EBF1: variants seen among roughly 807,000 people sequenced by gnomAD.
The protein encoded by EBF1 is transcription factor COE1.
A neutral mutation model predicts 68.4 loss-of-function variants in EBF1; 10 were observed. The observed-to-expected ratio is 0.15, with a 90% confidence interval of 0.09 to 0.25. EBF1 has a LOEUF of 0.25. Ranked by LOEUF, EBF1 falls within the 10% of genes least tolerant of loss-of-function variation. EBF1 has a pLI of 1.00. For missense variants in EBF1, 509 were observed against 794.4 expected, an observed-to-expected ratio of 0.64 and a Z score of 4.32; for synonymous variants, 298 against 299.8, an observed-to-expected ratio of 0.99 and a Z score of 0.06.
intron 9 of EBF1, among the ~76,000 whole-genome samples, chr5:158,781,248 G>A (rs531283366): frequency 6.6e-6 from 1 of 152,270 alleles, no homozygotes; most frequent in African/African-American, 2.4e-5. Context: ...TACTTATAAA[G>A]AAGTATTTTC....
At chr5:158,716,769 G>A (rs529780656) in intron 11 of EBF1, among the ~76,000 whole-genome samples, 6 of 152,130 alleles carry the variant, frequency 3.9e-5, no homozygotes, top group African/African-American at 9.7e-5. Flanking sequence ...GCCCCCAGGC[G>A]TGTTTGTGTT....
intron 5 of EBF1, among the ~76,000 whole-genome samples, chr5:159,078,067 C>G (rs1002887345): frequency 6.6e-6 from 1 of 152,034 alleles, no homozygotes; most frequent in Non-Finnish European, 1.5e-5. Flanking sequence ...TGGCAATATG[C>G]TTTTACATTA....
intron 6 of EBF1, among the ~76,000 whole-genome samples, chr5:158,908,240 A>T (rs1171303619): frequency 6.6e-6 from 1 of 152,168 alleles, no homozygotes; most frequent in African/African-American, 2.4e-5. Context: ...ACACCCATAC[A>T]TGCATTTTTT....
At chr5:158,772,673 A>C (rs1774102563) in intron 10 of EBF1, among the ~76,000 whole-genome samples, 1 of 152,132 alleles carries the variant, frequency 6.6e-6, no homozygotes, top group African/African-American at 2.4e-5. Flanking sequence ...ACTGATGCCT[A>C]TAGTTGTGTT....
intron 15 of EBF1, among the ~76,000 whole-genome samples, chr5:158,704,508 T>C (rs1010784830): frequency 1.3e-5 from 2 of 152,184 alleles, no homozygotes; most frequent in Non-Finnish European, 2.9e-5. Flanking sequence ...ATGATCACAA[T>C]TCTGAACTAG....
In EBF1 at chr5:159,095,795, G is replaced by T. The variant is rs1782498467; in HGVS notation, c.356-120C>A. The T allele has an allele frequency of 8.0e-6, 8 of 995,184 alleles. No homozygotes were observed. In the Admixed American group the frequency reaches 1.9e-4, roughly 23 times the overall value. The allele number at this position is 995,184 out of a possible 1,614,324, so 61.6% of individuals were successfully genotyped here. ...ACCCCCACACACATATCACGAAAGG[G>T]GCTCCAAGGCTGATTGGAACTCCCA... On this transcript the variant is annotated intron_variant, in intron 3 of 15. Transcript: ENST00000313708.
chr5:158,784,985 T>C (rs1014148555), intron 9 of EBF1, among the ~76,000 whole-genome samples: 2 of 152,186 alleles, frequency 1.3e-5, no homozygotes, highest in Non-Finnish European at 2.9e-5. Flanking sequence ...TATGTTTGGG[T>C]AGAGCTTCTC....
chr5:159,011,699 T>C (rs544594300), intron 6 of EBF1, among the ~76,000 whole-genome samples: 1 of 152,340 alleles, frequency 6.6e-6, no homozygotes, highest in African/African-American at 2.4e-5. Flanking sequence ...CTCTGACTGC[T>C]GCGTTTGTTT....
intron 6 of EBF1, among the ~76,000 whole-genome samples, chr5:159,014,427 T>G (rs1258019065): frequency 6.6e-6 from 1 of 152,216 alleles, no homozygotes; most frequent in African/African-American, 2.4e-5. Flanking sequence ...GCTAAATGCT[T>G]TCCAAAGTCT....
chr5:159,093,074 C>A (rs2127999811), intron 4 of EBF1, among the ~76,000 whole-genome samples: 1 of 152,230 alleles, frequency 6.6e-6, no homozygotes. Context: ...CTCATTAAGG[C>A]TAAATATCAA....
intron 10 of EBF1, among the ~76,000 whole-genome samples, chr5:158,775,141 C>T (rs1774838546): frequency 6.6e-6 from 1 of 151,962 alleles, no homozygotes; most frequent in Admixed American, 6.6e-5. Flanking sequence ...GCTTGAAAAT[C>T]CAACACTTTT....
intron 6 of EBF1, among the ~76,000 whole-genome samples, chr5:158,898,888 G>A (rs1802708354): frequency 6.6e-6 from 1 of 152,130 alleles, no homozygotes; most frequent in Admixed American, 6.5e-5. Flanking sequence ...ATGTGGGAAC[G>A]AAGCTTAAAA....
chr5:159,035,620 G>T (rs973094673), intron 6 of EBF1, among the ~76,000 whole-genome samples: 4 of 152,170 alleles, frequency 2.6e-5, no homozygotes, highest in Admixed American at 1.3e-4. Context: ...ACCTCGCTAA[G>T]CTTCAGCTTT....
At chr5:158,954,210 G>A (rs147596809) in intron 6 of EBF1, among the ~76,000 whole-genome samples, 14 of 151,626 alleles carry the variant, frequency 9.2e-5, no homozygotes, top group South Asian at 2.1e-4. Context: ...ATGGGGTGGC[G>A]TGGAGGTTGT....
intron 6 of EBF1, among the ~76,000 whole-genome samples, chr5:158,925,794 G>A (rs965898545): frequency 1.1e-4 from 16 of 152,166 alleles, no homozygotes; most frequent in African/African-American, 3.9e-4. Context: ...GGGTGGAGAT[G>A]AGTGGGAATT....
At chr5:158,726,552 T>C (rs1763024701) in intron 11 of EBF1, among the ~76,000 whole-genome samples, 1 of 152,234 alleles carries the variant, frequency 6.6e-6, no homozygotes, top group Non-Finnish European at 1.5e-5. Flanking sequence ...TTCAGCTCCA[T>C]AAAGCAAAAT....
intron 8 of EBF1, among the ~76,000 whole-genome samples, chr5:158,810,358 G>T (rs887377808): frequency 2.0e-5 from 3 of 152,094 alleles, no homozygotes; most frequent in African/African-American, 7.2e-5. Context: ...AAACAATGAA[G>T]AATTAAAGAT....
intron 6 of EBF1, among the ~76,000 whole-genome samples, chr5:159,015,996 C>T (rs924713704): frequency 1.3e-5 from 2 of 152,188 alleles, no homozygotes; most frequent in African/African-American, 2.4e-5. Context: ...TCCATATGCC[C>T]ATATCTGGGC....
At chr5:158,822,285 G>A (rs1447739524) in intron 8 of EBF1, among the ~76,000 whole-genome samples, 1 of 151,638 alleles carries the variant, frequency 6.6e-6, no homozygotes, top group African/African-American at 2.4e-5. Context: ...TGGATGGATG[G>A]ATGGATGGAT....
Sources: gnomAD v4.1 joint callset for allele counts (sites outside exome capture counted in the v4.1 genomes callset) on GRCh38, gnomAD v4.1.1 for gene constraint, MANE v1.5 for transcripts, NCBI Gene and HGNC (gene_info 2026-07-23, HGNC 2026-07-21) for gene names.